OPA1: variants seen among roughly 807,000 people sequenced by gnomAD.
OPA1 encodes dynamin-like GTPase OPA1, mitochondrial.
OPA1 carries 59 observed loss-of-function variants against 152.9 expected under a neutral mutation model. The observed-to-expected ratio is 0.39, with a 90% confidence interval of 0.31 to 0.48. OPA1 has a LOEUF of 0.48. OPA1 is among the 20% of genes least tolerant of loss of function. OPA1 has a pLI of 0.96. For synonymous variants in OPA1, 400 were observed against 389.9 expected (o/e 1.03, Z -0.31); for missense variants, 1,008 against 1,216.8 (o/e 0.83, Z 2.55).
chr3:193,639,934 A>G (rs1001444640), intron 11 of OPA1, among the ~76,000 whole-genome samples: 3 of 151,564 alleles, frequency 2.0e-5, no homozygotes, highest in African/African-American at 4.9e-5. Flanking sequence ...AGCAATGGGG[A>G]GAGAGAGAGA....
chr3:193,593,918 C>G (rs1034994265), intron 1 of OPA1, among the ~76,000 whole-genome samples: 1 of 152,100 alleles, frequency 6.6e-6, no homozygotes, highest in Non-Finnish European at 1.5e-5. Flanking sequence ...TTTCCCTAGC[C>G]CGCTGATAGA....
rs546622900 is a variant in OPA1, at chr3:193,643,832, T to G, written c.1478-143T>G. ...AAGCATCATTGAAATTTTTATCGGCTAGGATTTCTTTTTAGTAAATAACGT... is the reference window on the plus strand; with the variant it reads ...AAGCATCATTGAAATTTTTATCGGCGAGGATTTCTTTTTAGTAAATAACGT... On this transcript the variant is annotated intron_variant, in intron 15 of 30. Coordinates refer to ENST00000361510, the MANE Select transcript of OPA1 (RefSeq NM_130837.3). 41 of 1,000,662 alleles carry G rather than the reference T, an allele frequency of 4.1e-5. No individual in the cohort carries two copies. The East Asian group carries it at 1.0e-3, about 26-fold the overall frequency. The allele number at this position is 1,000,662 out of a possible 1,614,324, so 62.0% of individuals were successfully genotyped here.
At chr3:193,668,165 G>T in intron 29 of OPA1, 2 of 606,562 alleles carry the variant, frequency 3.3e-6, no homozygotes, top group Non-Finnish European at 5.8e-6. Flanking sequence ...AGCATTACAA[G>T]GTTTGTTCTA....
At chr3:193,682,311 G>T (rs1720277902) in intron 29 of OPA1, among the ~76,000 whole-genome samples, 1 of 152,176 alleles carries the variant, frequency 6.6e-6, no homozygotes, top group South Asian at 2.1e-4. Context: ...GCAAAGTTTG[G>T]TTCATAAGGT....
chr3:193,635,225 T>A (rs548813598), intron 8 of OPA1, among the ~76,000 whole-genome samples, 193 bp from the exon 9 acceptor site: 1 of 152,208 alleles, frequency 6.6e-6, no homozygotes, highest in Non-Finnish European at 1.5e-5. Context: ...AAAATTACAA[T>A]GATTTCCACT....
intron 29 of OPA1, among the ~76,000 whole-genome samples, chr3:193,676,783 A>T (rs1008091375): frequency 6.6e-6 from 1 of 152,158 alleles, no homozygotes; most frequent in Non-Finnish European, 1.5e-5. Context: ...GATCCAGACC[A>T]TCCTGGCTAA....
intron 1 of OPA1, among the ~76,000 whole-genome samples, chr3:193,612,114 A>C (rs1430950594): frequency 1.3e-5 from 2 of 152,056 alleles, no homozygotes; most frequent in Non-Finnish European, 1.5e-5. Context: ...TAGGATTCTA[A>C]ATTCCTCAGT....
At chr3:193,647,439 T>TATA (rs1208760651) in intron 19 of OPA1, among the ~76,000 whole-genome samples, 1 of 152,190 alleles carries the variant, frequency 6.6e-6, no homozygotes, top group African/African-American at 2.4e-5. Flanking sequence ...TGCTTGGAAG[T>TATA]ACACAATAAA....
In OPA1 at chr3:193,697,462, T is replaced by C. The variant is rs146277660; in HGVS notation, c.*2862T>C. ...TACGTGTAGATATTATTGCAACTTA[T>C]ATTTTGCCTGAGCTTGATCAAAGGT... On this transcript the variant is annotated 3_prime_UTR_variant, in exon 31 of 31. Coordinates refer to ENST00000361510, the MANE Select transcript of OPA1 (RefSeq NM_130837.3). 9 of 152,266 alleles carry C rather than the reference T, an allele frequency of 5.9e-5. No individual in the cohort carries two copies. The highest frequency in any genetic ancestry group is 2.1e-4 in the South Asian group (1 of 4,838). 9.4% of individuals were successfully genotyped at this position (152,266 alleles called of 1,614,324 possible).
chr3:193,619,002 T>C, intron 6 of OPA1, 66 bp downstream of exon 6: 1 of 1,260,872 alleles, frequency 7.9e-7, no homozygotes, highest in Non-Finnish European at 1.2e-6. Flanking sequence ...TTTACTTCTT[T>C]GGAAGATTTT....
intron 6 of OPA1, 61 bp from the exon 7 acceptor site, chr3:193,626,031 C>T: frequency 1.6e-6 from 2 of 1,258,016 alleles, no homozygotes; most frequent in East Asian, 2.3e-5. Flanking sequence ...TTGTTGCACC[C>T]TTGGTTTAAC....
chr3:193,607,619 C>T (rs1183172753), intron 1 of OPA1, among the ~76,000 whole-genome samples: 1 of 152,028 alleles, frequency 6.6e-6, no homozygotes, highest in African/African-American at 2.4e-5. Context: ...GTTCCATTGG[C>T]CTATATCTCT....
At position 193,654,051 on chromosome 3, in the gene OPA1, A is replaced by G. The variant is rs376605497; in HGVS notation, c.2013-811A>G. Among the ~76,000 whole-genome samples the G allele has an allele frequency of 3.3e-5, 5 of 152,294 alleles. 1 individual carries two copies. Among genetic ancestry groups the G allele is most frequent in the African/African-American group, 9.6e-5 (4 of 41,568 alleles). The stretch of plus-strand genomic sequence containing the variant: ...ACTCTTAGGTATTTACCTAAGAGGA[A>G]TGAAAGCATGTGTTCATAAGAAAGA... On this transcript the variant is annotated intron_variant, in intron 21 of 30. Transcript: ENST00000361510.
In OPA1 at chr3:193,695,943, A is replaced by G. The variant is rs1056366; in HGVS notation, c.*1343A>G. ...AAATACTTCCGAAACCAGGAATTCA[A>G]TGTATGTTTGTTTTATACTGTTTGA... On this transcript the variant is annotated 3_prime_UTR_variant, in exon 31 of 31. Coordinates refer to ENST00000361510, the MANE Select transcript of OPA1 (RefSeq NM_130837.3). 0.66 allele frequency: 100,372 copies of G among 152,114 alleles called. 33,476 individuals carry two copies. The highest frequency in any genetic ancestry group is 0.73 in the East Asian group (3,764 of 5,170). 9.4% of individuals were successfully genotyped at this position (152,114 alleles called of 1,614,324 possible). A position where few individuals can be genotyped will look rare whatever the true frequency, so the allele number is the denominator to read the frequency against.
chr3:193,681,523 A>G lies in OPA1; in HGVS notation c.2984-10540A>G, dbSNP rs777763908. Among the ~76,000 whole-genome samples, 71 of 152,226 alleles carry G rather than the reference A, an allele frequency of 4.7e-4. 4 individuals are homozygous for G. Among genetic ancestry groups the G allele is most frequent in the Non-Finnish European group, 1.3e-4 (9 of 68,046 alleles). On this transcript the variant is annotated intron_variant, in intron 29 of 30. Transcript: ENST00000361510. ...TTGGTGCCCCTCAAAGTGCATGCTC[A>G]AGGGTTCTACGTACAGGCAGACCTC...
intron 1 of OPA1, chr3:193,613,807 AC>A: frequency 2.3e-6 from 1 of 435,676 alleles, no homozygotes; most frequent in Non-Finnish European, 4.5e-6. Flanking sequence ...TGAACTCCTG[AC>A]CTCAGGTGAT....
chr3:193,647,319 TAGA>T (rs1225719283), intron 19 of OPA1, 139 bp downstream of exon 19: 105 of 669,276 alleles, frequency 1.6e-4, no homozygotes, highest in Non-Finnish European at 8.3e-5. Flanking sequence ...ATCTGGAAAA[TAGA>T]AGAATACAAA....
intron 22 of OPA1, among the ~76,000 whole-genome samples, chr3:193,655,713 G>A (rs1713649409): frequency 6.6e-6 from 1 of 152,096 alleles, no homozygotes. Flanking sequence ...CCCAGCCCAT[G>A]GTAACTGCTC....
intron 29 of OPA1, among the ~76,000 whole-genome samples, chr3:193,682,974 G>C (rs1430210626): frequency 2.0e-5 from 3 of 151,558 alleles, no homozygotes; most frequent in Middle Eastern, 3.2e-3. Context: ...TGATTCCTCT[G>C]ATGGATTTAG....
Sources: gnomAD v4.1 joint callset for allele counts (sites outside exome capture counted in the v4.1 genomes callset) on GRCh38, gnomAD v4.1.1 for gene constraint, MANE v1.5 for transcripts, NCBI Gene and HGNC (gene_info 2026-07-23, HGNC 2026-07-21) for gene names.